Variants in MAP3K19 observed in about 807,000 individuals in gnomAD.
MAP3K19 encodes the protein mitogen-activated protein kinase kinase kinase 19, also known as SPS1/STE20-related protein kinase YSK4.
MAP3K19 carries 91 observed loss-of-function variants against 114.4 expected under a neutral mutation model. The observed-to-expected ratio is 0.80, with a 90% confidence interval of 0.67 to 0.95. The LOEUF (loss-of-function observed/expected upper bound fraction) is 0.95. Among genes scored for constraint, MAP3K19 ranks in the 40% least tolerant of loss-of-function variants. The pLI, the probability that MAP3K19 is intolerant of heterozygous loss-of-function variation, is 0.00. For synonymous variants in MAP3K19, 518 were observed against 530.5 expected, an observed-to-expected ratio of 0.98 and a Z score of 0.32; for missense variants, 1,471 against 1,573.2, an observed-to-expected ratio of 0.94 and a Z score of 1.10.
chr2:135,030,125 C>G (rs763642725), intron 3 of MAP3K19, among the ~76,000 whole-genome samples, 187 bp downstream of exon 3: 17 of 152,192 alleles, frequency 1.1e-4, no homozygotes, highest in Non-Finnish European at 2.2e-4. Context: ...CTCCTGTGTT[C>G]TTTTATTATC....
intron 10 of MAP3K19, among the ~76,000 whole-genome samples, chr2:134,984,059 G>A (rs997775648): frequency 1.3e-5 from 2 of 152,162 alleles, no homozygotes; most frequent in Non-Finnish European, 2.9e-5. Flanking sequence ...ATATTTTATA[G>A]GAGGAGATCT....
chr2:135,044,316 C>T (rs1307985495), intron 1 of MAP3K19, among the ~76,000 whole-genome samples: 1 of 152,178 alleles, frequency 6.6e-6, no homozygotes, highest in Non-Finnish European at 1.5e-5. Flanking sequence ...TGGAGCCAGG[C>T]GCAGTGGCTC....
intron 11 of MAP3K19, 194 bp downstream of exon 11, chr2:134,983,482 C>T: frequency 1.7e-6 from 1 of 595,578 alleles, no homozygotes; most frequent in Non-Finnish European, 3.0e-6. Context: ...TATTCCAGAC[C>T]TTTCAGTCGG....
chr2:135,005,372 T>C, intron 6 of MAP3K19, 63 bp downstream of exon 6: 3 of 1,223,984 alleles, frequency 2.5e-6, no homozygotes, highest in Non-Finnish European at 2.4e-6. Flanking sequence ...CCTTCTGAAA[T>C]TGGAGAGAAG....
intron 11 of MAP3K19, among the ~76,000 whole-genome samples, chr2:134,982,246 G>A (rs1461610638): frequency 6.7e-6 from 1 of 149,264 alleles, no homozygotes; most frequent in African/African-American, 2.5e-5. Flanking sequence ...AGTGTCCTGA[G>A]TAGCTGGGAC....
At chr2:135,035,110 A>G (rs1216631228) in intron 2 of MAP3K19, among the ~76,000 whole-genome samples, 1 of 151,554 alleles carries the variant, frequency 6.6e-6, no homozygotes, top group Non-Finnish European at 1.5e-5. Flanking sequence ...AAGAAAAGTT[A>G]CAGAGGCCAA....
intron 5 of MAP3K19, among the ~76,000 whole-genome samples, chr2:135,020,014 T>C (rs1687861947): frequency 6.6e-6 from 1 of 151,338 alleles, no homozygotes; most frequent in East Asian, 1.9e-4. Context: ...AATGATCTCC[T>C]TTTCTTTTCC....
chr2:135,031,627 TCTGA>T (rs1688382432), intron 2 of MAP3K19, among the ~76,000 whole-genome samples: 1 of 152,142 alleles, frequency 6.6e-6, no homozygotes. Context: ...AGAAAATCAC[TCTGA>T]CTGCTGAAAT....
In MAP3K19 at chr2:134,999,445, G is replaced by C. The variant is rs1686275505; in HGVS notation, c.315-448C>G. ...AAAATGGAAGAAAAATAAAAGACAT[G>C]CAAAAAATAAGCCTCAATTTGTTTC... is the stretch of plus-strand genomic sequence containing the variant. On this transcript the variant is annotated intron_variant, in intron 7 of 12. Transcript: ENST00000392915. This position sits in a 1 kb window ranked among gnomAD's most constrained non-coding sequence, Gnocchi z 4.1. Among the ~76,000 whole-genome samples, 1 of 152,136 alleles carries C rather than the reference G, an allele frequency of 6.6e-6. No homozygotes were observed. The highest frequency in any genetic ancestry group is 1.5e-5 in the Non-Finnish European group (1 of 68,006).
At chr2:135,034,353 GTCC>G (rs1688474656) in intron 2 of MAP3K19, among the ~76,000 whole-genome samples, 1 of 123,052 alleles carries the variant, frequency 8.1e-6, no homozygotes, top group East Asian at 2.6e-4. Flanking sequence ...GGCTCCTCAC[GTCC>G]CAGACGATGG....
chr2:135,024,534 A>T, intron 4 of MAP3K19, 92 bp downstream of exon 4: 1 of 1,170,390 alleles, frequency 8.5e-7, no homozygotes, highest in Non-Finnish European at 1.3e-6. Flanking sequence ...TGATTTCTTT[A>T]AATGGATCCA....
At chr2:134,975,505 G>A (rs1489181505) in intron 12 of MAP3K19, among the ~76,000 whole-genome samples, 1 of 152,198 alleles carries the variant, frequency 6.6e-6, no homozygotes, top group African/African-American at 2.4e-5. Context: ...GGTACACGCA[G>A]GGGTCAGCAG....
At chr2:134,969,280 G>T (rs928781223) in intron 12 of MAP3K19, among the ~76,000 whole-genome samples, 53 of 152,168 alleles carry the variant, frequency 3.5e-4, no homozygotes, top group Admixed American at 7.9e-4. Context: ...CAGGGAGGTT[G>T]CAGTGAGCCG....
chr2:135,011,018 A>C (rs1687184597), intron 5 of MAP3K19, among the ~76,000 whole-genome samples: 1 of 152,186 alleles, frequency 6.6e-6, no homozygotes, highest in Non-Finnish European at 1.5e-5. Flanking sequence ...GCTGTCCTAC[A>C]TGCAAGGCAG....
At position 134,986,507 on chromosome 2, in the gene MAP3K19, C is replaced by T; in HGVS notation, c.2365G>A (p.Ala789Thr). Residue 789 changes from alanine (A) to threonine (T), a missense_variant, in exon 10 of 13, where the codon GCT becomes ACT. Ala to Thr is a moderately conservative substitution (Grantham distance 58). Transcript: ENST00000392915. ...TTCATGGACTGCTCAGGTGTCTGAG[C>T]CAAGTTCATGGGATGAATTTCATCT... The part of the protein sequence containing the change: ...SKDEIHPMNL[A>T]QTPEQSMKQN... 1 of 1,614,122 alleles carries T rather than the reference C, an allele frequency of 6.2e-7. No homozygotes were observed. Among genetic ancestry groups the T allele is most frequent in the South Asian group, 1.1e-5 (1 of 91,046 alleles).
intron 12 of MAP3K19, among the ~76,000 whole-genome samples, chr2:134,965,433 A>G (rs1265403293): frequency 6.6e-6 from 1 of 152,258 alleles, no homozygotes; most frequent in Non-Finnish European, 1.5e-5. Context: ...AGAGGGAGAC[A>G]GTTGTTCAGT....
In MAP3K19 at chr2:134,987,980, G is replaced by A; in HGVS notation, c.892C>T (p.His298Tyr). 2 of 1,614,172 alleles carry A rather than the reference G, an allele frequency of 1.2e-6. No individual in the cohort carries two copies. The highest frequency in any genetic ancestry group is 1.1e-5 in the South Asian group (1 of 91,082). The change falls in exon 10 of 13, where the codon CAC becomes TAC. Residue 298 changes from histidine (H) to tyrosine (Y), a missense_variant. Transcript: ENST00000392915. ...NMCSFPKTNH[H>Y]RQCLEKEENW... ...TCCTCCTTCTCCAGGCATTGCCTGT[G>A]ATGGTTAGTCTTAGGAAAAGAGCAC...
chr2:135,024,703 A>G lies in MAP3K19; in HGVS notation c.-56T>C. Reference sequence around the variant, plus strand: ...ACTCTCTATTTGTGACACATAATGTATTGCTGATTTTCCACTAAAATCACA... The same window carrying G: ...ACTCTCTATTTGTGACACATAATGTGTTGCTGATTTTCCACTAAAATCACA... On this transcript the variant is annotated 5_prime_UTR_variant, in exon 4 of 13. Transcript: ENST00000392915. The G allele has an allele frequency of 4.7e-6, 7 of 1,492,052 alleles. No individual in the cohort carries two copies. The highest frequency in any genetic ancestry group is 6.5e-6 in the Non-Finnish European group (7 of 1,074,944). 92.4% of individuals were successfully genotyped at this position (1,492,052 alleles called of 1,614,324 possible). A position where few individuals can be genotyped will look rare whatever the true frequency, so the allele number is the denominator to read the frequency against.
At chr2:135,001,125 A>T (rs551599435) in intron 6 of MAP3K19, among the ~76,000 whole-genome samples, 62 of 142,030 alleles carry the variant, frequency 4.4e-4, no homozygotes, top group African/African-American at 1.6e-3. Context: ...CAAGTGCATT[A>T]AAAAAAAAAA....
Sources: allele counts gnomAD v4.1 joint callset (sites outside exome capture counted in the v4.1 genomes callset), GRCh38; gene constraint gnomAD v4.1.1; non-coding constraint Gnocchi (gnomAD v3.1); transcripts MANE v1.5; gene names NCBI Gene and HGNC (gene_info 2026-07-23, HGNC 2026-07-21).